CHN1: variants seen among roughly 807,000 people sequenced by gnomAD.
CHN1 encodes the protein N-chimaerin.
A neutral mutation model predicts 59.5 loss-of-function variants in CHN1; 37 were observed. The observed-to-expected ratio is 0.62, with a 90% CI of 0.48 to 0.82. CHN1 has a LOEUF of 0.82. CHN1 is among the 40% of genes least tolerant of loss of function. The pLI is 0.00. For synonymous variants in CHN1, 206 were observed against 200.4 expected (o/e 1.03, Z -0.24); for missense variants, 469 against 571.0 (o/e 0.82, Z 1.82).
At chr2:174,803,033 C>T (rs1308062835) in intron 11 of CHN1, among the ~76,000 whole-genome samples, 4 of 151,764 alleles carry the variant, frequency 2.6e-5, no homozygotes, top group African/African-American at 9.7e-5. Context: ...AGCAAGAATC[C>T]ATCTTGGGGG....
At chr2:174,834,030 C>T (rs1685976434) in intron 7 of CHN1, among the ~76,000 whole-genome samples, 1 of 152,084 alleles carries the variant, frequency 6.6e-6, no homozygotes, top group South Asian at 2.1e-4. Context: ...AGTCTCAAAC[C>T]CCAGGGCTCA....
intron 1 of CHN1, among the ~76,000 whole-genome samples, chr2:174,981,934 T>C (rs1363148122): frequency 6.6e-6 from 1 of 152,180 alleles, no homozygotes; most frequent in Admixed American, 6.5e-5. Context: ...CTCCTAATGC[T>C]ATCCCTCCCT....
intron 7 of CHN1, among the ~76,000 whole-genome samples, chr2:174,828,751 G>T (rs1478684962): frequency 6.6e-6 from 1 of 152,214 alleles, no homozygotes; most frequent in African/African-American, 2.4e-5. Context: ...AACTAGGTGG[G>T]ATATGCGGGA....
chr2:174,949,424 T>A (rs557831445), intron 2 of CHN1, among the ~76,000 whole-genome samples: 2 of 152,146 alleles, frequency 1.3e-5, no homozygotes, highest in South Asian at 4.1e-4. Flanking sequence ...GCCCAAGTAA[T>A]CCTCCCACCT....
intron 5 of CHN1, among the ~76,000 whole-genome samples, chr2:174,894,222 T>C (rs768371805): frequency 5.9e-5 from 9 of 152,086 alleles, no homozygotes; most frequent in Non-Finnish European, 8.8e-5. Flanking sequence ...TTATCAGATA[T>C]GGGGCTAATA....
At chr2:174,958,702 CAA>C (rs1472182585) in intron 1 of CHN1, among the ~76,000 whole-genome samples, 4 of 152,136 alleles carry the variant, frequency 2.6e-5, no homozygotes, top group Non-Finnish European at 5.9e-5. Context: ...AATGGAATAA[CAA>C]TATCATCTAA....
chr2:174,914,778 G>C (rs929349154), intron 5 of CHN1, among the ~76,000 whole-genome samples: 1 of 151,452 alleles, frequency 6.6e-6, no homozygotes. Flanking sequence ...GGAAGCAGAG[G>C]GGGTTGCAGT....
rs958126549 is a variant in CHN1, at chr2:175,005,381, C to A, written c.-469G>T. On this transcript the variant is annotated 5_prime_UTR_variant, in exon 1 of 13. Coordinates refer to ENST00000409900, the MANE Select transcript of CHN1 (RefSeq NM_001822.7). ...CGCCATCTTGCGATAGCGTCTCCCA[C>A]GAGCTCGGCCGCGCCGCTGCCTCCC... 9.4e-7 allele frequency: 1 copy of A among 1,064,558 alleles called. No individual in the cohort carries two copies. The highest frequency in any genetic ancestry group is 2.7e-5 in the South Asian group (1 of 37,554). The allele number at this position is 1,064,558 out of a possible 1,614,324, so 65.9% of individuals were successfully genotyped here. A position where few individuals can be genotyped will look rare whatever the true frequency, so the allele number is the denominator to read the frequency against.
At chr2:174,873,334 C>T (rs1437578898) in intron 6 of CHN1, among the ~76,000 whole-genome samples, 4 of 152,064 alleles carry the variant, frequency 2.6e-5, no homozygotes, top group Non-Finnish European at 5.9e-5. Flanking sequence ...TGAGCATGAA[C>T]AAGGAATGAC....
intron 1 of CHN1, among the ~76,000 whole-genome samples, chr2:174,953,713 A>C (rs1377224882): frequency 6.6e-6 from 1 of 152,064 alleles, no homozygotes; most frequent in Non-Finnish European, 1.5e-5. Context: ...AAACCAAAAA[A>C]ACTTAGGAAT....
At chr2:174,846,056 T>C (rs1686500690) in intron 7 of CHN1, among the ~76,000 whole-genome samples, 1 of 152,196 alleles carries the variant, frequency 6.6e-6, no homozygotes, top group African/African-American at 2.4e-5. Context: ...CAAAGTTGTC[T>C]AACTATTGGG....
chr2:174,993,831 T>C (rs927630355), intron 1 of CHN1, among the ~76,000 whole-genome samples: 1 of 152,152 alleles, frequency 6.6e-6, no homozygotes, highest in Non-Finnish European at 1.5e-5. Flanking sequence ...CATTAATAAA[T>C]AACAGAAATA....
intron 6 of CHN1, among the ~76,000 whole-genome samples, chr2:174,853,650 T>A (rs1212711052): frequency 6.6e-6 from 1 of 152,184 alleles, no homozygotes; most frequent in East Asian, 1.9e-4. Flanking sequence ...TGCACTTCCA[T>A]GTTCATCACA....
chr2:174,979,398 A>C lies in CHN1; in HGVS notation c.19+25496T>G, dbSNP rs149816077. 6.4e-4 allele frequency among the ~76,000 whole-genome samples: 98 copies of C among 152,332 alleles called. 1 individual carries two copies. The East Asian group carries it at 0.012, about 19-fold the overall frequency. On this transcript the variant is annotated intron_variant, in intron 1 of 12. Transcript: ENST00000409900. ...TTTTTAAAAAAAGAAAGATCAATTT[A>C]CTAATATATGACTTAAGCCAGAATC... is the stretch of plus-strand genomic sequence containing the variant.
intron 5 of CHN1, among the ~76,000 whole-genome samples, chr2:174,888,384 C>T (rs1053505831): frequency 1.3e-5 from 2 of 152,004 alleles, no homozygotes; most frequent in Non-Finnish European, 2.9e-5. Flanking sequence ...AACACTCACT[C>T]GGAAGGATGA....
rs371897148 is a variant in CHN1, at chr2:174,800,134, G to T, written c.1362C>A (p.Asn454Lys). The part of the protein sequence containing the change: ...QRLVVELLIK[N>K]EDILF ...TAAAAATTTAAAATAAAATGTCTTCGTTTTTGATAAGCAGCTCCACCACCA... is the reference window on the plus strand; with the variant it reads ...TAAAAATTTAAAATAAAATGTCTTCTTTTTTGATAAGCAGCTCCACCACCA... Residue 454 changes from asparagine to lysine, a missense_variant, in exon 13 of 13, where the codon AAC (asparagine) becomes AAA (lysine). Around this residue, in one of 5 missense-constraint regions of CHN1, gnomAD observed 225 missense variants for 289.9 expected, o/e 0.78. Transcript: ENST00000409900. The T allele has an allele frequency of 6.4e-7, 1 of 1,573,988 alleles. No homozygotes were observed. Among genetic ancestry groups the T allele is most frequent in the African/African-American group, 1.4e-5 (1 of 73,140 alleles).
chr2:174,895,198 G>A (rs62183354), intron 5 of CHN1, among the ~76,000 whole-genome samples: 57,428 of 140,858 alleles, frequency 0.41, 11,666 homozygotes, highest in Admixed American at 0.5. Context: ...GTGTGTGTGT[G>A]TATATATATA....
At chr2:174,828,611 G>A (rs1349312650) in intron 7 of CHN1, among the ~76,000 whole-genome samples, 1 of 152,138 alleles carries the variant, frequency 6.6e-6, no homozygotes, top group Non-Finnish European at 1.5e-5. Context: ...TTGTTTACTA[G>A]ACGTTGTTGT....
At chr2:174,959,579 T>C (rs528209285) in intron 1 of CHN1, among the ~76,000 whole-genome samples, 4 of 152,184 alleles carry the variant, frequency 2.6e-5, no homozygotes, top group African/African-American at 9.6e-5. Flanking sequence ...ATTCCTGAGA[T>C]TCAAAATTAA....
Sources: gnomAD v4.1 joint callset for allele counts (sites outside exome capture counted in the v4.1 genomes callset) on GRCh38, gnomAD v4.1.1 for gene constraint, gnomAD v4.1.1 regional missense constraint, MANE v1.5 for transcripts, NCBI Gene and HGNC (gene_info 2026-07-23, HGNC 2026-07-21) for gene names.